Variants in FLI1 observed in about 807,000 individuals in gnomAD.
FLI1 encodes Friend leukemia integration 1 transcription factor.
FLI1 carries 13 observed loss-of-function variants against 53.1 expected under a neutral mutation model. The ratio of observed to expected loss-of-function variants is 0.24; its 90% CI spans 0.16 to 0.39. The LOEUF (loss-of-function observed/expected upper bound fraction) is 0.39. Among genes scored for constraint, FLI1 ranks in the 10% least tolerant of loss-of-function variants. The probability of loss-of-function intolerance (pLI) is 1.00; values close to 1 mark genes in which losing one functional copy is unlikely to be tolerated. For missense variants in FLI1, 424 were observed against 600.5 expected (o/e 0.71, Z 3.07); for synonymous variants, 244 against 236.7 (o/e 1.03, Z -0.28).
chr11:128,780,817 G>T (rs1014740354), intron 4 of FLI1, among the ~76,000 whole-genome samples: 1 of 152,112 alleles, frequency 6.6e-6, no homozygotes, highest in East Asian at 1.9e-4. Flanking sequence ...CGGGGAAAAG[G>T]GTTGTTTAGA....
At chr11:128,784,439 A>G (rs1352774497) in intron 5 of FLI1, among the ~76,000 whole-genome samples, 1 of 152,150 alleles carries the variant, frequency 6.6e-6, no homozygotes, top group Non-Finnish European at 1.5e-5. Context: ...AATTAACTGT[A>G]GTATCCAGGC....
At chr11:128,794,674 C>A (rs1942376725) in intron 5 of FLI1, among the ~76,000 whole-genome samples, 1 of 152,152 alleles carries the variant, frequency 6.6e-6, no homozygotes, top group African/African-American at 2.4e-5. Context: ...ATGAAATATC[C>A]TTGTTGGAGA....
Position 128,768,219 on chromosome 11 carries a change from GC to G in FLI1, c.338del (p.Pro113LeufsTer5). The G allele has an allele frequency of 6.2e-7, 1 of 1,613,856 alleles. No homozygotes were observed. Among genetic ancestry groups the G allele is most frequent in the South Asian group, 1.1e-5 (1 of 91,072 alleles). ...NYNSYMDEKN[G>X]PPPPNMTTNE... ...AACAGCTATATGGACGAGAAGAATGGCCCCCCTCCTCCCAACATGACCACCA... is the reference window on the plus strand; with the variant it reads ...AACAGCTATATGGACGAGAAGAATGGCCCCCTCCTCCCAACATGACCACCA... On this transcript the variant is annotated frameshift_variant, in exon 3 of 9. Transcript: ENST00000527786. LOFTEE classifies it high-confidence loss of function.
At chr11:128,703,854 A>AC (rs1195212610) in intron 1 of FLI1, among the ~76,000 whole-genome samples, 2 of 151,074 alleles carry the variant, frequency 1.3e-5, no homozygotes, top group Non-Finnish European at 3.0e-5. Flanking sequence ...AAAAAAAAAA[A>AC]AAAAAAAAAC....
At chr11:128,737,621 G>T (rs961644110) in intron 1 of FLI1, among the ~76,000 whole-genome samples, 1 of 152,114 alleles carries the variant, frequency 6.6e-6, no homozygotes, top group Non-Finnish European at 1.5e-5. Flanking sequence ...AATAGAGATC[G>T]AGGAAAAGCC....
chr11:128,719,578 G>A lies in FLI1; in HGVS notation c.18+25302G>A, dbSNP rs556482464. 5.3e-5 allele frequency among the ~76,000 whole-genome samples: 8 copies of A among 152,252 alleles called. No homozygotes were observed. In the East Asian group the frequency reaches 1.5e-3, roughly 29 times the overall value. ...CAGTCTAAGCTCTAAGGACTGGCAC[G>A]ATCTCTGGTGGACTTGAAGGGCAAC... On this transcript the variant is annotated intron_variant, in intron 1 of 8. Coordinates refer to ENST00000527786, the MANE Select transcript of FLI1 (RefSeq NM_002017.5).
At position 128,775,382 on chromosome 11, in the gene FLI1, C is replaced by G. The variant is rs1165149748; in HGVS notation, c.589+2397C>G. Among the ~76,000 whole-genome samples the G allele has an allele frequency of 4.0e-5, 6 of 151,864 alleles. No individual in the cohort carries two copies. In the South Asian group the frequency reaches 1.2e-3, roughly 32 times the overall value. ...AATTAAAAAAAAAAAAAACTTGCCC[C>G]AACATGGTATTGAAATATCCTTTTG... On this transcript the variant is annotated intron_variant, in intron 4 of 8. Coordinates refer to ENST00000527786, the MANE Select transcript of FLI1 (RefSeq NM_002017.5).
rs1000059353 is a variant in FLI1 at position 128,812,630 on chromosome 11, G to A, written c.*1642G>A. 15 of 223,212 alleles carry A rather than the reference G, an allele frequency of 6.7e-5. No individual in the cohort carries two copies. The highest frequency in any genetic ancestry group is 1.1e-4 in the Non-Finnish European group (12 of 111,746). The allele number at this position is 223,212 out of a possible 1,614,324, so 13.8% of individuals were successfully genotyped here. ...ATTTAAATCTTCCTCCAGCCTAAAA[G>A]GGTTTTATAAAACAGCAGCTAAGGC... On this transcript the variant is annotated 3_prime_UTR_variant, in exon 9 of 9. Coordinates refer to ENST00000527786, the MANE Select transcript of FLI1 (RefSeq NM_002017.5).
chr11:128,706,732 G>T (rs1333259373), intron 1 of FLI1, among the ~76,000 whole-genome samples: 1 of 152,176 alleles, frequency 6.6e-6, no homozygotes, highest in Non-Finnish European at 1.5e-5. Context: ...TCTGACCATT[G>T]TCATAATATT....
chr11:128,690,926 G>T (rs1286741125), upstream of FLI1, among the ~76,000 whole-genome samples: 1 of 152,208 alleles, frequency 6.6e-6, no homozygotes, highest in Admixed American at 6.5e-5. Flanking sequence ...CTGGGAAAGG[G>T]CGAGGCCATT....
chr11:128,802,515 AT>A (rs1942662638), intron 5 of FLI1, among the ~76,000 whole-genome samples: 1 of 152,224 alleles, frequency 6.6e-6, no homozygotes, highest in African/African-American at 2.4e-5. Context: ...GCCTGTTGCT[AT>A]TTATGACTCT....
chr11:128,785,114 A>G (rs1190496325), intron 5 of FLI1, among the ~76,000 whole-genome samples: 1 of 152,236 alleles, frequency 6.6e-6, no homozygotes. Flanking sequence ...AAATTAATTT[A>G]GAACAATCTT....
At chr11:128,735,370 T>C (rs1010223455) in intron 1 of FLI1, among the ~76,000 whole-genome samples, 8 of 152,212 alleles carry the variant, frequency 5.3e-5, no homozygotes, top group African/African-American at 1.9e-4. Context: ...ATATTTAAAG[T>C]CCTGTATAAT....
chr11:128,694,921 C>G (rs1321530308), intron 1 of FLI1, among the ~76,000 whole-genome samples: 1 of 152,300 alleles, frequency 6.6e-6, no homozygotes, highest in Middle Eastern at 3.4e-3. Context: ...GCCGCCGGCT[C>G]CGCGGGACTC....
chr11:128,768,178 C>T lies in FLI1; in HGVS notation c.291C>T (p.Ser97=), dbSNP rs1250771940. The change falls in exon 3 of 9, where the codon TCC becomes TCT. Residue 97 remains serine (S), a synonymous_variant. Transcript: ENST00000527786. ...GCAAGCTGGTGGGCGGAGGCGAGTC[C>T]AACCCCATGAACTACAACAGCTATA... ...KCSKLVGGGE[S]NPMNYNSYMD... is the part of the protein sequence containing the mutation. 2 of 1,613,770 alleles carry T rather than the reference C, an allele frequency of 1.2e-6. No homozygotes were observed. The highest frequency in any genetic ancestry group is 1.7e-6 in the Non-Finnish European group (2 of 1,179,848).
At chr11:128,709,361 CT>C (rs1338511108) in intron 1 of FLI1, among the ~76,000 whole-genome samples, 2 of 152,172 alleles carry the variant, frequency 1.3e-5, no homozygotes, top group Non-Finnish European at 2.9e-5. Flanking sequence ...TAACTTAAAT[CT>C]GTTGGGTTGC....
chr11:128,699,559 T>C (rs626020), intron 1 of FLI1, among the ~76,000 whole-genome samples: 62,782 of 152,050 alleles, frequency 0.41, 13,121 homozygotes, highest in Admixed American at 0.44. Context: ...TGTCTTTTCC[T>C]CTGCAGAAGA....
chr11:128,685,212 T>A (rs958112489), upstream of FLI1, among the ~76,000 whole-genome samples: 1 of 152,202 alleles, frequency 6.6e-6, no homozygotes, highest in Non-Finnish European at 1.5e-5. Flanking sequence ...GGGCAGGCCC[T>A]AGAGAGAGGC....
intron 5 of FLI1, among the ~76,000 whole-genome samples, chr11:128,788,609 C>T (rs556309214): frequency 5.9e-5 from 9 of 152,302 alleles, no homozygotes; most frequent in African/African-American, 2.2e-4. Flanking sequence ...GATGGAAAAT[C>T]ATTAATGCTC....
Sources: allele counts gnomAD v4.1 joint callset (sites outside exome capture counted in the v4.1 genomes callset), GRCh38; gene constraint gnomAD v4.1.1; transcripts MANE v1.5; gene names NCBI Gene and HGNC (gene_info 2026-07-23, HGNC 2026-07-21).